Variants in ANKFN1 observed in about 807,000 individuals in gnomAD.
The protein encoded by ANKFN1 is ankyrin repeat and fibronectin type III domain containing 1.
In ANKFN1, 74 loss-of-function variants were observed where a neutral mutation model predicts 108.7. The ratio of observed to expected loss-of-function variants is 0.68; its 90% confidence interval spans 0.56 to 0.83. The LOEUF (loss-of-function observed/expected upper bound fraction) is 0.83. Among genes scored for constraint, ANKFN1 ranks in the 40% least tolerant of loss-of-function variants. The pLI is 0.00. For synonymous variants in ANKFN1, 547 were observed against 516.2 expected (o/e 1.06, Z -0.81); for missense variants, 1,505 against 1,382.3 (o/e 1.09, Z -1.41).
At position 56,072,805 on chromosome 17, in the gene ANKFN1, G is replaced by T. The variant is rs151065520; in HGVS notation, c.288+26480G>T. On this transcript the variant is annotated intron_variant, in intron 4 of 12. Coordinates refer to the ANKFN1 transcript ENST00000635860. Reference sequence around the variant, plus strand: ...ATGGCATTATCTACAGATGGGTGAAGTGCAGATGAGGAGAGGAGAAGGTGG... The same window carrying T: ...ATGGCATTATCTACAGATGGGTGAATTGCAGATGAGGAGAGGAGAAGGTGG... Among the ~76,000 whole-genome samples, 1,050 of 152,278 alleles carry T rather than the reference G, an allele frequency of 6.9e-3. 5 individuals carry two copies. Among genetic ancestry groups the T allele is most frequent in the Non-Finnish European group, 0.011 (753 of 68,020 alleles).
At chr17:56,073,836 A>AGTAGTCCGTTCCTT (rs1430639709) in intron 4 of ANKFN1, among the ~76,000 whole-genome samples, 1 of 152,234 alleles carries the variant, frequency 6.6e-6, no homozygotes, top group Non-Finnish European at 1.5e-5. Flanking sequence ...AGCACGTATC[A>AGTAGTCCGTTCCTT]GTAGTCCGTT....
chr17:56,081,754 A>G (rs1474883573), intron 4 of ANKFN1, among the ~76,000 whole-genome samples: 1 of 152,090 alleles, frequency 6.6e-6, no homozygotes, highest in Non-Finnish European at 1.5e-5. Context: ...GTGGCCTGCT[A>G]GCATTTAGGA....
At chr17:56,257,754 C>A (rs2043394753) in intron 3 of ANKFN1, among the ~76,000 whole-genome samples, 1 of 152,164 alleles carries the variant, frequency 6.6e-6, no homozygotes, top group African/African-American at 2.4e-5. Context: ...GGGTGTGACA[C>A]CCTCGATCTA....
rs142528116 is a variant in ANKFN1, at chr17:56,330,707, C to T, written c.188+4352C>T. On this transcript the variant is annotated intron_variant, in intron 4 of 20. Coordinates refer to ENST00000682825, the MANE Select transcript of ANKFN1 (RefSeq NM_001370326.1). ...TGAACAAACTAAGACAGTTGGTTAC[C>T]CTATGTGGGATACTATCTTACTTAC... Among the ~76,000 whole-genome samples, 720 of 152,154 alleles carry T rather than the reference C, an allele frequency of 4.7e-3. 3 individuals are homozygous for T. Among genetic ancestry groups the T allele is most frequent in the Middle Eastern group, 0.01 (3 of 294 alleles).
At chr17:56,338,274 G>A (rs543208212) in intron 4 of ANKFN1, among the ~76,000 whole-genome samples, 7 of 152,220 alleles carry the variant, frequency 4.6e-5, no homozygotes, top group South Asian at 2.1e-4. Flanking sequence ...GACACAGGGC[G>A]GGGAACATCA....
intron 1 of ANKFN1, among the ~76,000 whole-genome samples, chr17:56,200,666 G>A (rs1163271871): frequency 3.3e-5 from 5 of 152,126 alleles, no homozygotes; most frequent in Non-Finnish European, 5.9e-5. Context: ...TTCAAGACCA[G>A]CGTCCCAATC....
At chr17:56,113,151 A>G (rs1906070255) in intron 4 of ANKFN1, among the ~76,000 whole-genome samples, 1 of 152,168 alleles carries the variant, frequency 6.6e-6, no homozygotes. Context: ...TCCGCTAGAT[A>G]TTATTCATCA....
chr17:56,414,481 G>A (rs1203357637), intron 8 of ANKFN1, among the ~76,000 whole-genome samples: 1 of 152,082 alleles, frequency 6.6e-6, no homozygotes, highest in Non-Finnish European at 1.5e-5. Context: ...ATTAATACTG[G>A]TGTAAAAATC....
intron 4 of ANKFN1, among the ~76,000 whole-genome samples, chr17:56,346,000 T>G (rs975610680): frequency 6.6e-6 from 1 of 152,206 alleles, no homozygotes; most frequent in African/African-American, 2.4e-5. Context: ...TAGGTTTTCT[T>G]CTAGGGTTTT....
chr17:56,506,056 TGTTTG>T (rs1421242125), intron 20 of ANKFN1, among the ~76,000 whole-genome samples: 2 of 152,208 alleles, frequency 1.3e-5, no homozygotes, highest in East Asian at 3.9e-4. Flanking sequence ...TTTTTTTGTT[TGTTTG>T]TTTATTTGTT....
At chr17:56,121,871 C>T (rs771882125) in intron 4 of ANKFN1, among the ~76,000 whole-genome samples, 7 of 152,282 alleles carry the variant, frequency 4.6e-5, no homozygotes, top group Admixed American at 1.3e-4. Context: ...CTGTACTAGA[C>T]GTGAAGCCTT....
intron 8 of ANKFN1, among the ~76,000 whole-genome samples, chr17:56,439,099 A>G (rs76730221): frequency 1.6e-4 from 25 of 152,308 alleles, no homozygotes; most frequent in African/African-American, 6.0e-4. Context: ...TTAGGAGAGC[A>G]GTTTCAAGAG....
chr17:56,472,903 AAG>A (rs1172053593), intron 15 of ANKFN1: 1 of 152,184 alleles, frequency 6.6e-6, no homozygotes, highest in Non-Finnish European at 1.5e-5. Flanking sequence ...GGAGAGAAGA[AAG>A]AAGGAATTAA....
chr17:56,513,051 C>T lies in ANKFN1; in HGVS notation c.*1782C>T, dbSNP rs914749708. Among the ~76,000 whole-genome samples the T allele has an allele frequency of 6.6e-6, 1 of 152,098 alleles. No homozygotes were observed. The highest frequency in any genetic ancestry group is 1.5e-5 in the Non-Finnish European group (1 of 68,026). ...CGGGCCCATAAAATTTATCTAAGTC[C>T]GTGGGTTTGCAGGTAGGGCAATTAA... On this transcript the variant is annotated 3_prime_UTR_variant, in exon 21 of 21. Transcript: ENST00000682825.
chr17:56,392,655 A>T (rs1349016389), intron 8 of ANKFN1, among the ~76,000 whole-genome samples: 1 of 152,178 alleles, frequency 6.6e-6, no homozygotes, highest in Non-Finnish European at 1.5e-5. Context: ...ATTTCACACG[A>T]TATGGAAAAA....
intron 1 of ANKFN1, among the ~76,000 whole-genome samples, chr17:56,209,252 T>A (rs1463762726): frequency 1.3e-5 from 2 of 152,166 alleles, no homozygotes; most frequent in Non-Finnish European, 2.9e-5. Flanking sequence ...ACCCTAGTGC[T>A]CTTATCCTAT....
rs1367195794 is a variant in ANKFN1 at position 56,449,219 on chromosome 17, T to C, written c.1207+33T>C. On this transcript the variant is annotated intron_variant, in intron 11 of 20. Transcript: ENST00000682825. ...TAAAAATCTGTGCTGGGCCATCAACTGAGGTCTCGGTGGCGCCGGTAATTT... is the reference window on the plus strand; with the variant it reads ...TAAAAATCTGTGCTGGGCCATCAACCGAGGTCTCGGTGGCGCCGGTAATTT... 1.9e-6 allele frequency: 3 copies of C among 1,574,752 alleles called. No homozygotes were observed. The Admixed American group carries it at 5.3e-5, about 28-fold the overall frequency.
At chr17:56,407,866 A>G (rs899534320) in intron 8 of ANKFN1, among the ~76,000 whole-genome samples, 7 of 152,098 alleles carry the variant, frequency 4.6e-5, no homozygotes, top group African/African-American at 1.2e-4. Context: ...ACTGTTTTCA[A>G]TATAAACTTT....
At chr17:56,229,562 G>A (rs973240164) in intron 3 of ANKFN1, among the ~76,000 whole-genome samples, 13 of 147,302 alleles carry the variant, frequency 8.8e-5, no homozygotes, top group African/African-American at 1.3e-4. Context: ...ATTTAAGGCC[G>A]CATTTTAAGT....
Sources: gnomAD v4.1 joint callset for allele counts (sites outside exome capture counted in the v4.1 genomes callset) on GRCh38, gnomAD v4.1.1 for gene constraint, MANE v1.5 for transcripts, NCBI Gene and HGNC (gene_info 2026-07-23, HGNC 2026-07-21) for gene names.